The following AKAP13 variants were observed in gnomAD, a reference collection of about 807,000 sequenced individuals.
AKAP13 encodes the protein A-kinase anchoring protein 13, also known as A-kinase anchor protein 13.
A neutral mutation model predicts 264.5 loss-of-function variants in AKAP13; 80 were observed. The ratio of observed to expected loss-of-function variants is 0.30; its 90% confidence interval spans 0.25 to 0.36. The LOEUF is 0.36. AKAP13 is among the 10% of genes least tolerant of loss of function. AKAP13 has a pLI of 1.00. For synonymous variants in AKAP13, 1,380 were observed against 1,250.2 expected (o/e 1.10, Z -2.19); for missense variants, 3,712 against 3,435.2 (o/e 1.08, Z -2.01).
chr15:85,459,507 C>CTT (rs1245502175), intron 1 of AKAP13, among the ~76,000 whole-genome samples: 1 of 141,264 alleles, frequency 7.1e-6, no homozygotes, highest in African/African-American at 2.6e-5. Flanking sequence ...CCTGCTTTTT[C>CTT]TTTTTTTTTT....
At chr15:85,738,958 C>G (rs546830349) in intron 33 of AKAP13, among the ~76,000 whole-genome samples, 1 of 151,604 alleles carries the variant, frequency 6.6e-6, no homozygotes, top group South Asian at 2.1e-4. Flanking sequence ...TAATTCATAG[C>G]AATACTTCGT....
rs2087491031 is a variant in AKAP13 at position 85,724,553 on chromosome 15, G to C, written c.6745+1233G>C. ...AGAGTGAATGACAGGGGAGTGACGG[G>C]AAACCAGCCCAAAGAAACGGGAGGG... On this transcript the variant is annotated intron_variant, in intron 26 of 36. Transcript: ENST00000394518. This position sits in a 1 kb window ranked among gnomAD's most constrained non-coding sequence, Gnocchi z 4.2. 6.6e-6 allele frequency among the ~76,000 whole-genome samples: 1 copy of C among 151,756 alleles called. No homozygotes were observed. Among genetic ancestry groups the C allele is most frequent in the African/African-American group, 2.4e-5 (1 of 41,260 alleles).
At chr15:85,440,993 A>T (rs2073624980) in intron 1 of AKAP13, among the ~76,000 whole-genome samples, 1 of 152,200 alleles carries the variant, frequency 6.6e-6, no homozygotes, top group Admixed American at 6.5e-5. Flanking sequence ...AAAACAAAAC[A>T]AACTGATGTC....
chr15:85,472,301 G>T (rs1294477888), intron 1 of AKAP13, among the ~76,000 whole-genome samples: 1 of 150,608 alleles, frequency 6.6e-6, no homozygotes, highest in Non-Finnish European at 1.5e-5. Flanking sequence ...GAGCCCAGGA[G>T]TTGGAGTCTA....
At chr15:85,446,709 TC>T (rs1245142993) in intron 1 of AKAP13, among the ~76,000 whole-genome samples, 2 of 121,496 alleles carry the variant, frequency 1.6e-5, no homozygotes, top group African/African-American at 7.6e-5. Flanking sequence ...TTTTTCTTTT[TC>T]TTTTTTTTTT....
chr15:85,505,639 A>T (rs1320298642), intron 2 of AKAP13, among the ~76,000 whole-genome samples: 2 of 152,218 alleles, frequency 1.3e-5, no homozygotes, highest in African/African-American at 2.4e-5. Context: ...GTAAAAGTCG[A>T]TAAATTTCTT....
Position 85,476,022 on chromosome 15 carries a change from A to G in AKAP13, c.-11-9688A>G, listed in dbSNP as rs577879845. 2.6e-5 allele frequency among the ~76,000 whole-genome samples: 4 copies of G among 152,316 alleles called. No individual in the cohort carries two copies. In the East Asian group the frequency reaches 7.7e-4, roughly 29 times the overall value. On this transcript the variant is annotated intron_variant, in intron 1 of 36. Coordinates refer to ENST00000394518, the MANE Select transcript of AKAP13 (RefSeq NM_007200.5). The stretch of plus-strand genomic sequence containing the variant: ...GGGAGAGAAGGCAAGCACAAAAATA[A>G]AAGAAAAATAGAAGATAGTATTTGA...
chr15:85,616,208 C>T (rs1227586579), intron 8 of AKAP13, among the ~76,000 whole-genome samples: 1 of 152,126 alleles, frequency 6.6e-6, no homozygotes, highest in Non-Finnish European at 1.5e-5. Context: ...TAGGTGGTGT[C>T]CTAATTCAGA....
chr15:85,744,948 G>C lies in AKAP13; in HGVS notation c.*271G>C, dbSNP rs2089323693. The C allele has an allele frequency of 2.7e-6, 1 of 365,768 alleles. No individual in the cohort carries two copies. The highest frequency in any genetic ancestry group is 4.3e-5 in the Admixed American group (1 of 23,514). The allele number at this position is 365,768 out of a possible 1,614,324, so 22.7% of individuals were successfully genotyped here. A position where few individuals can be genotyped will look rare whatever the true frequency, so the allele number is the denominator to read the frequency against. On this transcript the variant is annotated 3_prime_UTR_variant, in exon 37 of 37. Coordinates refer to ENST00000394518, the MANE Select transcript of AKAP13 (RefSeq NM_007200.5). Reference sequence around the variant, plus strand: ...TACTCAGGATTACACTGAAAGTAATGGCCTCGTAAGTACAGGTGATGGTTT... The same window carrying C: ...TACTCAGGATTACACTGAAAGTAATCGCCTCGTAAGTACAGGTGATGGTTT...
intron 5 of AKAP13, among the ~76,000 whole-genome samples, chr15:85,557,904 G>A (rs2078209655): frequency 6.6e-6 from 1 of 152,168 alleles, no homozygotes. Context: ...TGTTCAGTTG[G>A]TTTTCAGCTT....
At chr15:85,673,302 G>A (rs1467776284) in intron 14 of AKAP13, among the ~76,000 whole-genome samples, 1 of 152,204 alleles carries the variant, frequency 6.6e-6, no homozygotes, top group African/African-American at 2.4e-5. Context: ...TAGGCAAGCA[G>A]TAGCTTCTTT....
intron 10 of AKAP13, among the ~76,000 whole-genome samples, chr15:85,652,871 G>A (rs1596912285): frequency 2.6e-5 from 4 of 152,206 alleles, no homozygotes; most frequent in Middle Eastern, 6.8e-3. Flanking sequence ...CTCTTGCAGG[G>A]ACACCATTTG....
At chr15:85,709,467 A>C (rs1345828743) in intron 18 of AKAP13, among the ~76,000 whole-genome samples, 1 of 152,044 alleles carries the variant, frequency 6.6e-6, no homozygotes. Flanking sequence ...TGCCAGTTCC[A>C]GGCTGCCACT....
chr15:85,705,295 A>G (rs180674181), intron 17 of AKAP13, among the ~76,000 whole-genome samples: 1 of 152,316 alleles, frequency 6.6e-6, no homozygotes, highest in African/African-American at 2.4e-5. Context: ...CTGGTTGGGA[A>G]GAAAGGAACA....
chr15:85,452,949 GC>G, intron 1 of AKAP13, among the ~76,000 whole-genome samples: 1 of 152,254 alleles, frequency 6.6e-6, no homozygotes, highest in East Asian at 1.9e-4. Flanking sequence ...ATTCCTGGGG[GC>G]TCCACCTCAG....
At chr15:85,537,389 T>C (rs1303294740) in intron 4 of AKAP13, among the ~76,000 whole-genome samples, 1 of 152,256 alleles carries the variant, frequency 6.6e-6, no homozygotes, top group African/African-American at 2.4e-5. Flanking sequence ...CTAGGATGTT[T>C]AGAGATATTC....
chr15:85,524,763 C>A (rs1405225153), intron 3 of AKAP13, among the ~76,000 whole-genome samples: 1 of 151,968 alleles, frequency 6.6e-6, no homozygotes, highest in African/African-American at 2.4e-5. Context: ...CATCTCCCCA[C>A]CCATCTCAGT....
chr15:85,666,837 C>T (rs1046592834), intron 13 of AKAP13, among the ~76,000 whole-genome samples: 9 of 152,230 alleles, frequency 5.9e-5, no homozygotes, highest in African/African-American at 9.6e-5. Context: ...TCTTAGTTCT[C>T]ATCTTCTGGA....
At chr15:85,400,604 C>T (rs534336029) in intron 1 of AKAP13, among the ~76,000 whole-genome samples, 2 of 152,158 alleles carry the variant, frequency 1.3e-5, no homozygotes, top group African/African-American at 4.8e-5. Flanking sequence ...GATTAGTCAA[C>T]TGGTCTCAGC....
Sources: allele counts gnomAD v4.1 joint callset (sites outside exome capture counted in the v4.1 genomes callset), GRCh38; gene constraint gnomAD v4.1.1; non-coding constraint Gnocchi (gnomAD v3.1); transcripts MANE v1.5; gene names NCBI Gene and HGNC (gene_info 2026-07-23, HGNC 2026-07-21).